The following ANKS1A variants were observed in gnomAD, a reference collection of about 807,000 sequenced individuals.
ANKS1A encodes ankyrin repeat and SAM domain-containing protein 1A.
In ANKS1A, 55 loss-of-function variants were observed where a neutral mutation model predicts 120.3. The ratio of observed to expected loss-of-function variants is 0.46; its 90% CI spans 0.37 to 0.57. The LOEUF is 0.57. ANKS1A is among the 20% of genes least tolerant of loss of function. The pLI, the probability that ANKS1A is intolerant of heterozygous loss-of-function variation, is 0.00. For missense variants in ANKS1A, 1,123 were observed against 1,480.3 expected, an observed-to-expected ratio of 0.76 and a Z score of 3.96; for synonymous variants, 590 against 604.7, an observed-to-expected ratio of 0.98 and a Z score of 0.36.
chr6:34,913,825 G>T (rs890562908), intron 1 of ANKS1A, among the ~76,000 whole-genome samples: 3 of 152,200 alleles, frequency 2.0e-5, no homozygotes, highest in Non-Finnish European at 4.4e-5. Context: ...TAGAGATGGG[G>T]TTTCACCATG....
chr6:35,071,913 C>T lies in ANKS1A; in HGVS notation c.2185-6645C>T, dbSNP rs183206749. ...GAGGGAGTCCAAGGCCCAGGCCGGC[C>T]CCTCCCCATCTGGGGCTGCCCTGCA... On this transcript the variant is annotated intron_variant, in intron 13 of 23. Coordinates refer to ENST00000360359, the MANE Select transcript of ANKS1A (RefSeq NM_015245.3). Among the ~76,000 whole-genome samples the T allele has an allele frequency of 4.2e-3, 647 of 152,366 alleles. 5 individuals carry two copies. Among genetic ancestry groups the T allele is most frequent in the African/African-American group, 0.015 (618 of 41,584 alleles).
chr6:35,033,502 C>A (rs1162568270), intron 11 of ANKS1A, among the ~76,000 whole-genome samples: 1 of 152,200 alleles, frequency 6.6e-6, no homozygotes, highest in Non-Finnish European at 1.5e-5. Flanking sequence ...CAAATAAGGT[C>A]TTTGATGAGT....
Position 34,974,877 on chromosome 6 carries a change from A to G in ANKS1A, c.435+4711A>G, listed in dbSNP as rs565169685. 1.3e-3 allele frequency among the ~76,000 whole-genome samples: 192 copies of G among 152,326 alleles called. 1 individual carries two copies. Among genetic ancestry groups the G allele is most frequent in the Non-Finnish European group, 8.5e-4 (58 of 68,030 alleles). ...ATTTTTGGAATCTGTTTTTGTTACT[A>G]GTAGATGACGCTTAATGAAACATTA... is the stretch of plus-strand genomic sequence containing the variant. On this transcript the variant is annotated intron_variant, in intron 3 of 23. Transcript: ENST00000360359.
In ANKS1A at chr6:35,088,835, G is replaced by C; in HGVS notation, c.*226G>C. On this transcript the variant is annotated 3_prime_UTR_variant, in exon 24 of 24. Coordinates refer to ENST00000360359, the MANE Select transcript of ANKS1A (RefSeq NM_015245.3). Reference sequence around the variant, plus strand: ...CTCCAGGCCGCTAGCAGATGGGACTGGCATTCCAGAGGGTCAAGAAGTGAC... The same window carrying C: ...CTCCAGGCCGCTAGCAGATGGGACTCGCATTCCAGAGGGTCAAGAAGTGAC... The C allele has an allele frequency of 6.8e-7, 1 of 1,462,416 alleles. No homozygotes were observed. Among genetic ancestry groups the C allele is most frequent in the Non-Finnish European group, 9.0e-7 (1 of 1,110,170 alleles). 90.6% of individuals were successfully genotyped at this position (1,462,416 alleles called of 1,614,324 possible).
chr6:35,069,362 G>T (rs1776956768), intron 13 of ANKS1A, among the ~76,000 whole-genome samples: 1 of 151,674 alleles, frequency 6.6e-6, no homozygotes, highest in African/African-American at 2.4e-5. Context: ...GTGGGCTCTG[G>T]GTCAGGCTCT....
At chr6:35,035,704 A>C (rs1775131158) in intron 11 of ANKS1A, among the ~76,000 whole-genome samples, 1 of 152,216 alleles carries the variant, frequency 6.6e-6, no homozygotes, top group Non-Finnish European at 1.5e-5. Flanking sequence ...AATCAGCCTC[A>C]CTTCTCAGTT....
At position 35,060,481 on chromosome 6, in the gene ANKS1A, T is replaced by C. The variant is rs929855555; in HGVS notation, c.2184+228T>C. Among the ~76,000 whole-genome samples the C allele has an allele frequency of 2.0e-5, 3 of 152,182 alleles. No individual in the cohort carries two copies. Among genetic ancestry groups the C allele is most frequent in the African/African-American group, 2.4e-5 (1 of 41,446 alleles). ...GAAACGGCTCCAGAGGGAGCTCTCT[T>C]TGCAGATCTGCTTCCCAAGAAGGAG... On this transcript the variant is annotated intron_variant, in intron 13 of 23. Transcript: ENST00000360359. The surrounding 1 kb of genome is among the most constrained non-coding windows in gnomAD (Gnocchi z 4.5).
At chr6:35,021,080 GA>G (rs1344903757) in intron 11 of ANKS1A, among the ~76,000 whole-genome samples, 1 of 152,212 alleles carries the variant, frequency 6.6e-6, no homozygotes, top group Admixed American at 6.5e-5. Flanking sequence ...TCTGTAAAGA[GA>G]AACTCCAAAA....
chr6:34,977,465 C>G (rs540765171), intron 3 of ANKS1A, among the ~76,000 whole-genome samples: 3 of 151,928 alleles, frequency 2.0e-5, no homozygotes, highest in African/African-American at 7.3e-5. Context: ...TTTAGGCCAA[C>G]CTTCCACATA....
At chr6:34,900,123 T>C (rs1208810214) in intron 1 of ANKS1A, among the ~76,000 whole-genome samples, 1 of 152,210 alleles carries the variant, frequency 6.6e-6, no homozygotes, top group Non-Finnish European at 1.5e-5. Flanking sequence ...AAGGTAATTA[T>C]TGTTATTTCC....
intron 13 of ANKS1A, among the ~76,000 whole-genome samples, chr6:35,075,050 G>A (rs1581740930): frequency 6.6e-6 from 1 of 152,194 alleles, no homozygotes. Context: ...CACCATAGAG[G>A]CCATTCCAGA....
At chr6:35,081,301 G>T (rs12154189) in intron 17 of ANKS1A, 143 bp downstream of exon 17, 209,433 of 1,156,582 alleles carry the variant, frequency 0.18, 21,618 homozygotes, top group Non-Finnish European at 0.21. Context: ...TGCTCTGCTC[G>T]CCCACACCCA....
chr6:35,070,710 T>G (rs1380752304), intron 13 of ANKS1A, among the ~76,000 whole-genome samples: 1 of 152,026 alleles, frequency 6.6e-6, no homozygotes, highest in Non-Finnish European at 1.5e-5. Context: ...GGTCTCAATC[T>G]CCTGACCTCG....
intron 11 of ANKS1A, among the ~76,000 whole-genome samples, chr6:35,038,576 G>A (rs750485776): frequency 5.3e-5 from 8 of 152,020 alleles, no homozygotes; most frequent in Non-Finnish European, 1.2e-4. Context: ...CAAACTCCTG[G>A]GCTGAAGTGA....
At chr6:35,023,288 C>T (rs1406319733) in intron 11 of ANKS1A, among the ~76,000 whole-genome samples, 1 of 152,152 alleles carries the variant, frequency 6.6e-6, no homozygotes. Flanking sequence ...ACAATTTGTG[C>T]CGTCTTTTCC....
chr6:35,083,315 G>A, intron 19 of ANKS1A, 89 bp downstream of exon 19: 2 of 1,595,668 alleles, frequency 1.3e-6, no homozygotes, highest in African/African-American at 1.3e-5. Context: ...CCTGGGCCCT[G>A]CTGCACTATG....
At chr6:34,962,538 AGC>A (rs927584961) in intron 1 of ANKS1A, among the ~76,000 whole-genome samples, 15 of 152,176 alleles carry the variant, frequency 9.9e-5, no homozygotes, top group African/African-American at 3.6e-4. Flanking sequence ...CTGTAATCCC[AGC>A]ACTTTGGGAG....
At chr6:34,903,937 G>T (rs1767504504) in intron 1 of ANKS1A, among the ~76,000 whole-genome samples, 1 of 152,168 alleles carries the variant, frequency 6.6e-6, no homozygotes, top group Non-Finnish European at 1.5e-5. Context: ...CAATCTTTCT[G>T]CCTTGGCCTC....
chr6:34,954,242 G>A (rs918897330), intron 1 of ANKS1A, among the ~76,000 whole-genome samples: 4 of 152,048 alleles, frequency 2.6e-5, no homozygotes, highest in African/African-American at 7.2e-5. Context: ...AGAGGGAGCC[G>A]GTGTCTCACT....
Sources: gnomAD v4.1 joint callset for allele counts (sites outside exome capture counted in the v4.1 genomes callset) on GRCh38, gnomAD v4.1.1 for gene constraint, Gnocchi (gnomAD v3.1) non-coding constraint, MANE v1.5 for transcripts, NCBI Gene and HGNC (gene_info 2026-07-23, HGNC 2026-07-21) for gene names.